AMBRA1: variants seen among roughly 807,000 people sequenced by gnomAD.
The protein encoded by AMBRA1 is activating molecule in BECN1-regulated autophagy protein 1.
AMBRA1 carries 47 observed loss-of-function variants against 125.4 expected under a neutral mutation model. The observed-to-expected ratio is 0.37, with a 90% CI of 0.30 to 0.48. AMBRA1 has a LOEUF of 0.48. AMBRA1 is among the 20% of genes least tolerant of loss of function. The pLI is 0.99. For synonymous variants in AMBRA1, 626 were observed against 655.5 expected, an observed-to-expected ratio of 0.95 and a Z score of 0.69; for missense variants, 1,331 against 1,693.4, an observed-to-expected ratio of 0.79 and a Z score of 3.76.
intron 5 of AMBRA1, among the ~76,000 whole-genome samples, 198 bp from the exon 6 acceptor site, chr11:46,544,239 A>C (rs907141748): frequency 6.6e-6 from 1 of 152,234 alleles, no homozygotes; most frequent in African/African-American, 2.4e-5. Context: ...GTAAAGGAAT[A>C]TGTATCACAA....
At chr11:46,409,177 G>A (rs1287895248) in intron 16 of AMBRA1, among the ~76,000 whole-genome samples, 1 of 151,862 alleles carries the variant, frequency 6.6e-6, no homozygotes, top group Non-Finnish European at 1.5e-5. Flanking sequence ...AGTGAACTGA[G>A]AACTCCACTT....
At chr11:46,585,680 AAAAAAAAAAAAAAAAAT>A (rs1232573749) in intron 1 of AMBRA1, among the ~76,000 whole-genome samples, 5 of 56,676 alleles carry the variant, frequency 8.8e-5, no homozygotes, top group African/African-American at 3.6e-4. Context: ...AAAAAAAAAA[AAAAAAAAAAAAAAAAAT>A]ATATATATAT....
At chr11:46,475,982 T>C (rs1009948370) in intron 11 of AMBRA1, among the ~76,000 whole-genome samples, 1 of 152,176 alleles carries the variant, frequency 6.6e-6, no homozygotes, top group Admixed American at 6.5e-5. Context: ...TTCCCCTCCA[T>C]AGCTGCATTA....
At chr11:46,488,369 T>C (rs1221703984) in intron 11 of AMBRA1, among the ~76,000 whole-genome samples, 2 of 151,770 alleles carry the variant, frequency 1.3e-5, no homozygotes, top group Admixed American at 6.6e-5. Flanking sequence ...GGCAGGAGAA[T>C]CGCTTGAACC....
At chr11:46,435,248 A>G (rs987197741) in intron 12 of AMBRA1, among the ~76,000 whole-genome samples, 6 of 152,234 alleles carry the variant, frequency 3.9e-5, no homozygotes, top group Non-Finnish European at 8.8e-5. Flanking sequence ...GCAGGAAACT[A>G]TAGGATAGTC....
chr11:46,491,074 G>A (rs923432536), intron 11 of AMBRA1: 6 of 152,074 alleles, frequency 3.9e-5, no homozygotes, highest in Non-Finnish European at 7.3e-5. Context: ...GGAAAAGGGC[G>A]GTTACATAAT....
intron 11 of AMBRA1, among the ~76,000 whole-genome samples, chr11:46,443,989 A>T (rs1434691584): frequency 2.0e-5 from 3 of 152,222 alleles, no homozygotes; most frequent in African/African-American, 4.8e-5. Flanking sequence ...AAAAGCCAGC[A>T]GCATTTCAGT....
Position 46,399,317 on chromosome 11 carries a change from G to A in AMBRA1, c.3404-1374C>T, listed in dbSNP as rs139969342. On this transcript the variant is annotated intron_variant, in intron 17 of 17. Coordinates refer to ENST00000683756, the MANE Select transcript of AMBRA1 (RefSeq NM_001387011.1). ...TCGAACTCCTGACCTCAGGTAATCT[G>A]CCTGCCTCAGCCTCCCAAAAGGCTG... 1.1e-4 allele frequency among the ~76,000 whole-genome samples: 17 copies of A among 151,988 alleles called. No homozygotes were observed. The East Asian group carries it at 3.3e-3, about 29-fold the overall frequency.
chr11:46,589,688 C>T (rs1282992888), intron 1 of AMBRA1, among the ~76,000 whole-genome samples: 1 of 151,910 alleles, frequency 6.6e-6, no homozygotes, highest in African/African-American at 2.4e-5. Context: ...GGTGCTAACT[C>T]GGCTAACTGC....
chr11:46,467,270 A>C (rs1468831952), intron 11 of AMBRA1, among the ~76,000 whole-genome samples: 2 of 152,166 alleles, frequency 1.3e-5, no homozygotes, highest in East Asian at 1.9e-4. Context: ...ATGATGGGAG[A>C]TGATTTGTTC....
chr11:46,580,939 G>A (rs987082061), intron 1 of AMBRA1, among the ~76,000 whole-genome samples: 2 of 151,896 alleles, frequency 1.3e-5, no homozygotes, highest in African/African-American at 4.8e-5. Flanking sequence ...GCACAGGTGT[G>A]AGCCACCGCA....
chr11:46,441,487 C>G (rs762699231), intron 12 of AMBRA1, among the ~76,000 whole-genome samples: 3 of 151,722 alleles, frequency 2.0e-5, no homozygotes, highest in Non-Finnish European at 2.9e-5. Context: ...TGCACCCCAG[C>G]CTGGTGACAG....
intron 14 of AMBRA1, among the ~76,000 whole-genome samples, chr11:46,420,406 T>G (rs1482825837): frequency 6.6e-6 from 1 of 152,190 alleles, no homozygotes; most frequent in Non-Finnish European, 1.5e-5. Flanking sequence ...TCACTCAGCC[T>G]CACTGTCTGA....
intron 1 of AMBRA1, among the ~76,000 whole-genome samples, chr11:46,585,337 G>A (rs1206767910): frequency 6.7e-6 from 1 of 149,896 alleles, no homozygotes; most frequent in Non-Finnish European, 1.5e-5. Context: ...AAACACCCAA[G>A]AATGATCAAT....
At chr11:46,461,475 G>A (rs1404226534) in intron 11 of AMBRA1, among the ~76,000 whole-genome samples, 2 of 152,110 alleles carry the variant, frequency 1.3e-5, no homozygotes, top group Non-Finnish European at 2.9e-5. Flanking sequence ...CAAACAACTG[G>A]GAATACAAAG....
intron 11 of AMBRA1, among the ~76,000 whole-genome samples, chr11:46,459,739 T>TAC (rs56374939): frequency 0.22 from 24,308 of 110,060 alleles, 2,392 homozygotes; most frequent in African/African-American, 0.32. Flanking sequence ...AAAATACACA[T>TAC]ACACACACAC....
intron 11 of AMBRA1, among the ~76,000 whole-genome samples, chr11:46,479,166 C>G (rs1425470275): frequency 6.6e-6 from 1 of 151,832 alleles, no homozygotes; most frequent in Non-Finnish European, 1.5e-5. Flanking sequence ...CCACTGCATT[C>G]CAGCCTGGGC....
At chr11:46,418,425 A>T (rs1349398419) in intron 14 of AMBRA1, among the ~76,000 whole-genome samples, 1 of 148,676 alleles carries the variant, frequency 6.7e-6, no homozygotes, top group African/African-American at 2.5e-5. Flanking sequence ...TTATACTTTA[A>T]GTTCTAGGGT....
intron 9 of AMBRA1, among the ~76,000 whole-genome samples, chr11:46,498,088 A>G (rs1238128279): frequency 2.0e-5 from 3 of 152,216 alleles, no homozygotes; most frequent in African/African-American, 7.2e-5. Flanking sequence ...GAAGGAGACA[A>G]ATTTGGTCAG....
Sources: gnomAD v4.1 joint callset for allele counts (sites outside exome capture counted in the v4.1 genomes callset) on GRCh38, gnomAD v4.1.1 for gene constraint, MANE v1.5 for transcripts, NCBI Gene and HGNC (gene_info 2026-07-23, HGNC 2026-07-21) for gene names.